MYLK: variants seen among roughly 807,000 people sequenced by gnomAD.
MYLK encodes myosin light chain kinase, also known as myosin light chain kinase, smooth muscle.
Under a neutral mutation model 203.4 loss-of-function variants are expected in MYLK, and 106 were observed. The observed-to-expected ratio is 0.52, with a 90% CI of 0.45 to 0.61. The LOEUF (loss-of-function observed/expected upper bound fraction) is 0.61. Ranked by LOEUF, MYLK falls within the 20% of genes least tolerant of loss-of-function variation. The pLI is 0.00. For synonymous variants in MYLK, 867 were observed against 959.5 expected (o/e 0.90, Z 1.78); for missense variants, 2,072 against 2,442.3 (o/e 0.85, Z 3.20).
chr3:123,768,063 G>A (rs531594446), intron 4 of MYLK, among the ~76,000 whole-genome samples: 4 of 152,278 alleles, frequency 2.6e-5, no homozygotes, highest in South Asian at 2.1e-4. Context: ...GTGACCACTC[G>A]GCTGACACTG....
intron 20 of MYLK, among the ~76,000 whole-genome samples, chr3:123,676,583 A>G (rs2108413669): frequency 6.6e-6 from 1 of 152,342 alleles, no homozygotes; most frequent in Non-Finnish European, 1.5e-5. Flanking sequence ...GATATCTGAG[A>G]GTCTCATAAT....
chr3:123,752,342 A>G lies in MYLK; in HGVS notation c.362T>C (p.Leu121Ser). ...CTCCTGGGACTCACCTTCTACTGTC[A>G]ACTCCACTGTCACCTGGCGAGCACC... The part of the protein sequence containing the change: ...GSGARQVTVE[L>S]TVEGSFAKQL... Residue 121 changes from leucine to serine, a missense_variant, in exon 5 of 34, where the codon TTG becomes TCG. By Grantham distance (145) the Leu-to-Ser change is moderately radical. This residue lies in a region of MYLK where 683 missense variants were observed against 643.8 expected (regional missense o/e 1.06). Transcript: ENST00000360304. 1 of 1,614,030 alleles carries G rather than the reference A, an allele frequency of 6.2e-7. No homozygotes were observed. The highest frequency in any genetic ancestry group is 2.2e-5 in the East Asian group (1 of 44,874).
chr3:123,824,492 A>G (rs759642066), intron 3 of MYLK, among the ~76,000 whole-genome samples: 8 of 152,212 alleles, frequency 5.3e-5, no homozygotes, highest in Non-Finnish European at 8.8e-5. Flanking sequence ...TCATTCAAAG[A>G]GCACTTGTTA....
intron 4 of MYLK, among the ~76,000 whole-genome samples, chr3:123,774,106 G>A (rs1560200000): frequency 2.0e-5 from 3 of 152,192 alleles, no homozygotes; most frequent in Non-Finnish European, 4.4e-5. Context: ...CTCCCCAGCT[G>A]TTTTCAATAA....
chr3:123,636,325 A>G (rs150011237), intron 29 of MYLK, among the ~76,000 whole-genome samples: 1 of 152,332 alleles, frequency 6.6e-6, no homozygotes, highest in East Asian at 1.9e-4. Context: ...ACGCCACATG[A>G]AGATGGAATC....
chr3:123,621,456 T>TAATG (rs1559972356), intron 31 of MYLK: 1 of 152,216 alleles, frequency 6.6e-6, no homozygotes, highest in East Asian at 1.9e-4. Flanking sequence ...TCTCAAACTC[T>TAATG]GCCGGCAAAG....
chr3:123,841,145 A>C (rs1481912461), intron 2 of MYLK, among the ~76,000 whole-genome samples: 1 of 152,164 alleles, frequency 6.6e-6, no homozygotes, highest in Non-Finnish European at 1.5e-5. Flanking sequence ...CAGCAGCTTC[A>C]TATTTCAGGT....
intron 4 of MYLK, among the ~76,000 whole-genome samples, chr3:123,773,581 C>T (rs1039024822): frequency 2.0e-5 from 3 of 152,114 alleles, no homozygotes; most frequent in Admixed American, 6.5e-5. Flanking sequence ...CAGCTGAAAT[C>T]GACATGGTTG....
intron 3 of MYLK, among the ~76,000 whole-genome samples, chr3:123,805,645 G>A (rs2065342440): frequency 6.6e-6 from 1 of 152,214 alleles, no homozygotes; most frequent in Non-Finnish European, 1.5e-5. Flanking sequence ...TACAACCTAA[G>A]AGGAAGCACA....
At chr3:123,739,834 C>T (rs762715757) in intron 6 of MYLK, 119 bp downstream of exon 6, 12 of 1,110,534 alleles carry the variant, frequency 1.1e-5, no homozygotes, top group Admixed American at 3.4e-5. Flanking sequence ...TTGTACTAGG[C>T]TCCCGCCCTT....
chr3:123,708,961 C>A (rs186358216), intron 14 of MYLK, 66 bp from the exon 15 acceptor site: 1 of 1,383,280 alleles, frequency 7.2e-7, no homozygotes, highest in African/African-American at 1.4e-5. Flanking sequence ...AGCAACTCTG[C>A]GCTGAATGCA....
At chr3:123,693,339 C>T (rs944923922) in intron 18 of MYLK, among the ~76,000 whole-genome samples, 1 of 152,174 alleles carries the variant, frequency 6.6e-6, no homozygotes, top group African/African-American at 2.4e-5. Context: ...AGCTTTGAAG[C>T]TTTGAGCAAA....
chr3:123,622,628 T>C (rs1212166083), intron 31 of MYLK: 1 of 152,218 alleles, frequency 6.6e-6, no homozygotes, highest in Non-Finnish European at 1.5e-5. Flanking sequence ...GTAGTAAATA[T>C]ATTAACAAAT....
At position 123,857,654 on chromosome 3, in the gene MYLK, G is replaced by A. The variant is rs191296449; in HGVS notation, c.-127+18905C>T. On this transcript the variant is annotated intron_variant, in intron 2 of 33. Transcript: ENST00000360304. ...ACACTCTGGGGACTGTTGTGGGGTCGGGGGAGGGGGGAGGGATAGCATTGG... is the reference window on the plus strand; with the variant it reads ...ACACTCTGGGGACTGTTGTGGGGTCAGGGGAGGGGGGAGGGATAGCATTGG... Among the ~76,000 whole-genome samples the A allele has an allele frequency of 6.8e-3, 922 of 135,494 alleles. 9 individuals are homozygous for A. Among genetic ancestry groups the A allele is most frequent in the Non-Finnish European group, 0.011 (725 of 63,822 alleles). 88.9% of individuals were successfully genotyped at this position (135,494 alleles called of 152,430 possible).
At chr3:123,664,790 G>A (rs905426486) in intron 22 of MYLK, among the ~76,000 whole-genome samples, 8 of 152,258 alleles carry the variant, frequency 5.3e-5, no homozygotes, top group African/African-American at 1.9e-4. Flanking sequence ...TCATTGAAAG[G>A]AATGAAGTAC....
At chr3:123,645,357 G>A (rs977555997) in intron 27 of MYLK, among the ~76,000 whole-genome samples, 1 of 152,116 alleles carries the variant, frequency 6.6e-6, no homozygotes, top group Non-Finnish European at 1.5e-5. Flanking sequence ...GAACACATAC[G>A]GAAAGGAAAT....
chr3:123,709,059 G>C (rs2061578101), intron 14 of MYLK, 164 bp from the exon 15 acceptor site: 2 of 603,212 alleles, frequency 3.3e-6, no homozygotes, highest in Non-Finnish European at 5.8e-6. Flanking sequence ...CTACCTCATG[G>C]GTTTGTTGGG....
At chr3:123,622,479 G>C (rs1185990412) in intron 31 of MYLK, 1 of 152,230 alleles carries the variant, frequency 6.6e-6, no homozygotes, top group African/African-American at 2.4e-5. Context: ...CATCAGGATT[G>C]GGACTGATGA....
At chr3:123,782,575 G>T (rs1281946048) in intron 4 of MYLK, among the ~76,000 whole-genome samples, 5 of 152,208 alleles carry the variant, frequency 3.3e-5, no homozygotes, top group African/African-American at 9.7e-5. Context: ...AAATGAACCA[G>T]ACCTCAGTGC....
Sources: gnomAD v4.1 joint callset for allele counts (sites outside exome capture counted in the v4.1 genomes callset) on GRCh38, gnomAD v4.1.1 for gene constraint, gnomAD v4.1.1 regional missense constraint, MANE v1.5 for transcripts, NCBI Gene and HGNC (gene_info 2026-07-23, HGNC 2026-07-21) for gene names.